Variants in NKAIN2 observed in about 807,000 individuals in gnomAD.
The protein encoded by NKAIN2 is sodium/potassium-transporting ATPase subunit beta-1-interacting protein 2.
NKAIN2 carries 14 observed loss-of-function variants against 32.6 expected under a neutral mutation model. The observed-to-expected ratio is 0.43, with a 90% CI of 0.28 to 0.67. The LOEUF (loss-of-function observed/expected upper bound fraction) is 0.67, where lower values mean the gene tolerates loss of function less well. NKAIN2 is among the 30% of genes least tolerant of loss of function. The pLI, the probability that NKAIN2 is intolerant of heterozygous loss-of-function variation, is 0.17. For missense variants in NKAIN2, 198 were observed against 258.3 expected (o/e 0.77, Z 1.60); for synonymous variants, 80 against 87.2 (o/e 0.92, Z 0.46).
chr6:124,273,895 T>A (rs953866855), intron 1 of NKAIN2, among the ~76,000 whole-genome samples: 3 of 152,224 alleles, frequency 2.0e-5, no homozygotes, highest in African/African-American at 7.2e-5. Flanking sequence ...TTTGAGTGAA[T>A]CATGAAAACT....
At chr6:123,962,959 A>C (rs1777913986) in intron 1 of NKAIN2, among the ~76,000 whole-genome samples, 1 of 152,170 alleles carries the variant, frequency 6.6e-6, no homozygotes, top group Non-Finnish European at 1.5e-5. Flanking sequence ...CTCAGTAAGA[A>C]CCTGACAATA....
intron 1 of NKAIN2, among the ~76,000 whole-genome samples, chr6:124,179,944 T>C (rs802296): frequency 0.59 from 89,640 of 152,102 alleles, 29,019 homozygotes; most frequent in Non-Finnish European, 0.74. Context: ...GATTACTTGA[T>C]TTAGAGGAGC....
At chr6:123,804,786 GTT>G (rs1234480215) in intron 1 of NKAIN2, among the ~76,000 whole-genome samples, 1 of 152,058 alleles carries the variant, frequency 6.6e-6, no homozygotes, top group Non-Finnish European at 1.5e-5. Context: ...AATTTAGACT[GTT>G]TGAGTTTTAG....
intron 1 of NKAIN2, among the ~76,000 whole-genome samples, chr6:124,241,868 G>A (rs1331856555): frequency 6.6e-6 from 1 of 151,804 alleles, no homozygotes; most frequent in East Asian, 1.9e-4. Context: ...ACTGAAACTG[G>A]ACCCCTTCCT....
At chr6:124,216,869 A>T (rs1791507740) in intron 1 of NKAIN2, among the ~76,000 whole-genome samples, 1 of 152,196 alleles carries the variant, frequency 6.6e-6, no homozygotes, top group Non-Finnish European at 1.5e-5. Context: ...ATGGTTCATT[A>T]TTGGATAATT....
chr6:124,187,975 C>T (rs145785215), intron 1 of NKAIN2, among the ~76,000 whole-genome samples: 321 of 152,198 alleles, frequency 2.1e-3, no homozygotes, highest in African/African-American at 7.2e-3. Flanking sequence ...GTATTTTTGC[C>T]TGTCCATTGT....
At chr6:124,461,344 T>C (rs969632672) in intron 3 of NKAIN2, among the ~76,000 whole-genome samples, 1 of 151,804 alleles carries the variant, frequency 6.6e-6, no homozygotes, top group Non-Finnish European at 1.5e-5. Context: ...CTGATTTCTT[T>C]CCACACTTTA....
intron 3 of NKAIN2, among the ~76,000 whole-genome samples, chr6:124,505,582 C>T (rs1362690909): frequency 3.3e-5 from 5 of 152,052 alleles, no homozygotes; most frequent in African/African-American, 1.2e-4. Context: ...AAAATATGTT[C>T]GAAGGTCAGT....
At chr6:124,480,349 C>G (rs940947007) in intron 3 of NKAIN2, among the ~76,000 whole-genome samples, 1 of 152,110 alleles carries the variant, frequency 6.6e-6, no homozygotes, top group Non-Finnish European at 1.5e-5. Flanking sequence ...GCAACTCTTA[C>G]AGCTCCTTCA....
chr6:124,012,161 C>T (rs1171115091), intron 1 of NKAIN2, among the ~76,000 whole-genome samples: 2 of 151,324 alleles, frequency 1.3e-5, no homozygotes, highest in African/African-American at 2.4e-5. Context: ...TAAAAAATAC[C>T]CATCACCCCC....
chr6:124,035,125 C>T (rs1366227510), intron 1 of NKAIN2, among the ~76,000 whole-genome samples: 2 of 151,938 alleles, frequency 1.3e-5, no homozygotes, highest in African/African-American at 4.8e-5. Context: ...CAAGAAAATA[C>T]AGAAATTGAG....
At chr6:124,051,645 C>T (rs919212250) in intron 1 of NKAIN2, among the ~76,000 whole-genome samples, 1 of 151,908 alleles carries the variant, frequency 6.6e-6, no homozygotes, top group Admixed American at 6.6e-5. Context: ...TACCTTCTTT[C>T]TTATTCCATT....
intron 1 of NKAIN2, among the ~76,000 whole-genome samples, chr6:124,100,763 G>T (rs376420756): frequency 1.3e-5 from 2 of 152,082 alleles, no homozygotes; most frequent in Non-Finnish European, 2.9e-5. Context: ...TAGATGTGGG[G>T]CCCCTAGAAT....
At chr6:124,499,872 A>G (rs1489362791) in intron 3 of NKAIN2, among the ~76,000 whole-genome samples, 1 of 152,238 alleles carries the variant, frequency 6.6e-6, no homozygotes, top group Non-Finnish European at 1.5e-5. Flanking sequence ...GGAGTTGGAC[A>G]GGAAAAAAGT....
At chr6:124,434,610 T>A (rs1241411752) in intron 3 of NKAIN2, among the ~76,000 whole-genome samples, 1 of 152,230 alleles carries the variant, frequency 6.6e-6, no homozygotes, top group Non-Finnish European at 1.5e-5. Flanking sequence ...TTTGTCTTTC[T>A]ACTGCCACTA....
chr6:123,806,478 T>G, intron 1 of NKAIN2, among the ~76,000 whole-genome samples: 1 of 152,086 alleles, frequency 6.6e-6, no homozygotes, highest in East Asian at 1.9e-4. Flanking sequence ...GGAAATACGG[T>G]ATTTGATTTT....
chr6:124,708,838 C>T (rs1419860243), intron 4 of NKAIN2, among the ~76,000 whole-genome samples: 3 of 145,216 alleles, frequency 2.1e-5, no homozygotes, highest in Non-Finnish European at 4.5e-5. Flanking sequence ...ATTTCCTTCT[C>T]CTGCCTAATT....
chr6:123,881,153 CTAGGATT>C (rs1159003090), intron 1 of NKAIN2, among the ~76,000 whole-genome samples: 1 of 152,068 alleles, frequency 6.6e-6, no homozygotes, highest in South Asian at 2.1e-4. Flanking sequence ...TCCCGAGTAG[CTAGGATT>C]ATAGGCGGCC....
At chr6:124,098,094 A>T (rs756054042) in intron 1 of NKAIN2, among the ~76,000 whole-genome samples, 1 of 152,204 alleles carries the variant, frequency 6.6e-6, no homozygotes, top group Non-Finnish European at 1.5e-5. Context: ...TAAGGCTAGT[A>T]AAAGGAGGGA....
Sources: allele counts gnomAD v4.1 joint callset (sites outside exome capture counted in the v4.1 genomes callset), GRCh38; gene constraint gnomAD v4.1.1; transcripts MANE v1.5; gene names NCBI Gene and HGNC (gene_info 2026-07-23, HGNC 2026-07-21).